The following RARB variants were observed in gnomAD, a reference collection of about 807,000 sequenced individuals.
The protein encoded by RARB is HBV-activated protein.
Under a neutral mutation model 51.9 loss-of-function variants are expected in RARB, and 17 were observed. The ratio of observed to expected loss-of-function variants is 0.33; its 90% CI spans 0.22 to 0.49. RARB has a LOEUF of 0.49. Among genes scored for constraint, RARB ranks in the 20% least tolerant of loss-of-function variants. The probability of loss-of-function intolerance (pLI) is 0.99; values close to 1 mark genes in which losing one functional copy is unlikely to be tolerated. For missense variants in RARB, 369 were observed against 550.8 expected (o/e 0.67, Z 3.30); for synonymous variants, 215 against 195.4 (o/e 1.10, Z -0.84).
intron 5 of RARB, among the ~76,000 whole-genome samples, chr3:25,213,624 A>C (rs1243737214): frequency 6.6e-6 from 1 of 152,220 alleles, no homozygotes; most frequent in Non-Finnish European, 1.5e-5. Flanking sequence ...TCAGCTTATT[A>C]GTTTCTGCTG....
chr3:24,873,423 ACTT>A (rs887099587), intron 2 of RARB, among the ~76,000 whole-genome samples: 1 of 151,962 alleles, frequency 6.6e-6, no homozygotes, highest in Non-Finnish European at 1.5e-5. Flanking sequence ...AAATCTCTAT[ACTT>A]CTTATCAGTT....
intron 4 of RARB, among the ~76,000 whole-genome samples, chr3:25,576,570 T>A (rs1334262666): frequency 6.6e-6 from 1 of 152,200 alleles, no homozygotes. Context: ...CTCAGGAATC[T>A]TAGACGATGG....
intron 3 of RARB, among the ~76,000 whole-genome samples, chr3:25,529,866 T>C (rs571268838): frequency 1.2e-4 from 19 of 152,350 alleles, no homozygotes; most frequent in Middle Eastern, 3.4e-3. Context: ...GTATAACTTA[T>C]ATTCTTTTAC....
At chr3:25,497,380 A>G (rs1045691991) in intron 2 of RARB, among the ~76,000 whole-genome samples, 2 of 152,184 alleles carry the variant, frequency 1.3e-5, no homozygotes, top group African/African-American at 2.4e-5. Context: ...ATTCTTGCCC[A>G]TGCAGATAGA....
intron 2 of RARB, among the ~76,000 whole-genome samples, chr3:25,038,406 C>A (rs1358236691): frequency 1.3e-5 from 2 of 151,792 alleles, no homozygotes; most frequent in African/African-American, 2.4e-5. Context: ...GAGTATGTAC[C>A]CTTGAGTTTC....
chr3:24,859,676 G>C (rs1702704976), intron 2 of RARB, among the ~76,000 whole-genome samples: 1 of 152,182 alleles, frequency 6.6e-6, no homozygotes, highest in Admixed American at 6.5e-5. Flanking sequence ...TGAATTGTAA[G>C]TTTTATATAC....
intron 5 of RARB, among the ~76,000 whole-genome samples, chr3:25,281,645 T>C (rs989536094): frequency 2.6e-5 from 4 of 152,172 alleles, no homozygotes; most frequent in African/African-American, 9.7e-5. Context: ...TTAGAAGCTA[T>C]TGTAGGCGTT....
At position 25,596,765 on chromosome 3, in the gene RARB, A is replaced by G; in HGVS notation, c.*149A>G. 1 of 625,616 alleles carries G rather than the reference A, an allele frequency of 1.6e-6. No individual in the cohort carries two copies. The highest frequency in any genetic ancestry group is 2.6e-6 in the Non-Finnish European group (1 of 377,918). 38.8% of individuals were successfully genotyped at this position (625,616 alleles called of 1,614,324 possible). A position where few individuals can be genotyped will look rare whatever the true frequency, so the allele number is the denominator to read the frequency against. On this transcript the variant is annotated 3_prime_UTR_variant, in exon 8 of 8. Coordinates refer to ENST00000330688, the MANE Select transcript of RARB (RefSeq NM_000965.5). Reference sequence around the variant, plus strand: ...CCAAGAAGTTTTCATATGTATCAATATATATACTCCTCACTGTGTAACTTA... The same window carrying G: ...CCAAGAAGTTTTCATATGTATCAATGTATATACTCCTCACTGTGTAACTTA...
intron 3 of RARB, among the ~76,000 whole-genome samples, chr3:25,520,601 C>A (rs1037764184): frequency 2.0e-5 from 3 of 152,116 alleles, no homozygotes; most frequent in African/African-American, 7.2e-5. Context: ...AATGAGCTTG[C>A]TTTTCTTATC....
intron 2 of RARB, among the ~76,000 whole-genome samples, chr3:24,936,604 G>T (rs559708390): frequency 1.9e-4 from 29 of 152,076 alleles, no homozygotes; most frequent in Admixed American, 1.4e-3. Context: ...AGAAAATGAG[G>T]GCATAGATAA....
intron 2 of RARB, among the ~76,000 whole-genome samples, chr3:24,967,076 G>T (rs535647509): frequency 1.3e-5 from 2 of 152,056 alleles, no homozygotes; most frequent in African/African-American, 2.4e-5. Context: ...CATATACTTC[G>T]AAAGTCAACA....
intron 2 of RARB, among the ~76,000 whole-genome samples, chr3:24,996,357 T>C (rs990524972): frequency 3.9e-5 from 6 of 152,132 alleles, no homozygotes; most frequent in African/African-American, 1.4e-4. Context: ...TTCTTATTTT[T>C]CTCATTAGTC....
chr3:25,405,375 T>C (rs1707378346), intron 5 of RARB, among the ~76,000 whole-genome samples: 1 of 152,140 alleles, frequency 6.6e-6, no homozygotes, highest in African/African-American at 2.4e-5. Flanking sequence ...AAACAACTAC[T>C]ATATCAATAA....
intron 2 of RARB, among the ~76,000 whole-genome samples, chr3:24,926,372 C>G (rs1160463525): frequency 6.6e-6 from 1 of 152,172 alleles, no homozygotes; most frequent in East Asian, 1.9e-4. Flanking sequence ...CCACAACTTG[C>G]TAAATTATGT....
intron 2 of RARB, among the ~76,000 whole-genome samples, chr3:25,463,624 C>G (rs1695294746): frequency 6.6e-6 from 1 of 151,162 alleles, no homozygotes; most frequent in African/African-American, 2.4e-5. Flanking sequence ...GATCGCGCCA[C>G]TGGACTCCAG....
intron 5 of RARB, among the ~76,000 whole-genome samples, chr3:25,405,489 C>T (rs1008421104): frequency 1.3e-5 from 2 of 152,188 alleles, no homozygotes; most frequent in African/African-American, 4.8e-5. Context: ...CTTAAGAGAA[C>T]TCCTCTGCTC....
intron 2 of RARB, among the ~76,000 whole-genome samples, chr3:25,474,243 G>T (rs765451039): frequency 1.3e-5 from 2 of 152,072 alleles, no homozygotes; most frequent in African/African-American, 4.8e-5. Context: ...ACCCAGTAGG[G>T]ATCATCTGAC....
intron 5 of RARB, among the ~76,000 whole-genome samples, chr3:25,400,897 A>C (rs951248837): frequency 2.0e-5 from 3 of 151,686 alleles, no homozygotes; most frequent in African/African-American, 7.2e-5. Flanking sequence ...AATAAAACTA[A>C]AATATAAATA....
chr3:25,335,462 A>C (rs145058358), intron 5 of RARB, among the ~76,000 whole-genome samples: 5,634 of 152,298 alleles, frequency 0.037, 170 homozygotes, highest in Non-Finnish European at 0.061. Context: ...GTGGCCCGGC[A>C]TGTTGGCATG....
Sources: allele counts gnomAD v4.1 joint callset (sites outside exome capture counted in the v4.1 genomes callset), GRCh38; gene constraint gnomAD v4.1.1; transcripts MANE v1.5; gene names NCBI Gene and HGNC (gene_info 2026-07-23, HGNC 2026-07-21).